Variants in TANGO6 observed in about 807,000 individuals in gnomAD.
TANGO6 encodes transport and Golgi organization protein 6 homolog.
In TANGO6, 90 loss-of-function variants were observed where a neutral mutation model predicts 114.2. That is an observed-to-expected ratio of 0.79 (90% CI 0.66 to 0.94). TANGO6 has a LOEUF of 0.94. Among genes scored for constraint, TANGO6 ranks in the 40% least tolerant of loss-of-function variants. The pLI is 0.00. For missense variants in TANGO6, 1,274 were observed against 1,315.3 expected, an observed-to-expected ratio of 0.97 and a Z score of 0.49; for synonymous variants, 477 against 509.8, an observed-to-expected ratio of 0.94 and a Z score of 0.87.
intron 16 of TANGO6, among the ~76,000 whole-genome samples, chr16:69,027,956 A>AT (rs1426744446): frequency 5.3e-5 from 8 of 150,766 alleles, no homozygotes; most frequent in South Asian, 2.1e-4. Flanking sequence ...AATATTTGTA[A>AT]TTTTTTTTCT....
chr16:68,871,242 C>G (rs563426211), intron 4 of TANGO6, among the ~76,000 whole-genome samples: 1 of 152,180 alleles, frequency 6.6e-6, no homozygotes, highest in Non-Finnish European at 1.5e-5. Context: ...TGGCTTGTGT[C>G]ATTTCTGATG....
chr16:68,960,252 T>G lies in TANGO6; in HGVS notation c.2702-13776T>G, dbSNP rs556286324. On this transcript the variant is annotated intron_variant, in intron 14 of 17. Coordinates refer to ENST00000261778, the MANE Select transcript of TANGO6 (RefSeq NM_024562.2). ...CTTTCAATGCAGCAGTAATTGCCGTTTTCTTTCCCTTCCTTCTTTATGCCT... is the reference window on the plus strand; with the variant it reads ...CTTTCAATGCAGCAGTAATTGCCGTGTTCTTTCCCTTCCTTCTTTATGCCT... Among the ~76,000 whole-genome samples, 4 of 151,926 alleles carry G rather than the reference T, an allele frequency of 2.6e-5. No homozygotes were observed. In the East Asian group the frequency reaches 7.7e-4, roughly 29 times the overall value.
At position 69,008,884 on chromosome 16, in the gene TANGO6, C is replaced by CT. The variant is rs555783458; in HGVS notation, c.2843-13943dup. Among the ~76,000 whole-genome samples the CT allele has an allele frequency of 8.6e-5, 13 of 151,844 alleles. No homozygotes were observed. In the East Asian group the frequency reaches 2.5e-3, roughly 30 times the overall value. On this transcript the variant is annotated intron_variant, in intron 15 of 17. Coordinates refer to ENST00000261778, the MANE Select transcript of TANGO6 (RefSeq NM_024562.2). The stretch of plus-strand genomic sequence containing the variant: ...TCTCAAAATCCTGACCTCAGGTGAC[C>CT]TGCCCATCTCAGTCTCCCAAATGCC...
intron 14 of TANGO6, among the ~76,000 whole-genome samples, chr16:68,960,144 A>C (rs1422766724): frequency 6.6e-6 from 1 of 152,224 alleles, no homozygotes; most frequent in Non-Finnish European, 1.5e-5. Context: ...AAAGAAAATT[A>C]AATGAATGAC....
At chr16:68,897,741 G>A (rs1962725005) in intron 7 of TANGO6, among the ~76,000 whole-genome samples, 1 of 152,040 alleles carries the variant, frequency 6.6e-6, no homozygotes, top group African/African-American at 2.4e-5. Context: ...ACCATGCACT[G>A]CTAACTTTGT....
At chr16:69,071,050 G>A (rs946170803) in intron 17 of TANGO6, among the ~76,000 whole-genome samples, 1 of 152,128 alleles carries the variant, frequency 6.6e-6, no homozygotes, top group African/African-American at 2.4e-5. Context: ...GTGATTACAG[G>A]TGTGAGCCAC....
At chr16:69,039,156 G>A (rs1015945929) in intron 16 of TANGO6, among the ~76,000 whole-genome samples, 1 of 152,018 alleles carries the variant, frequency 6.6e-6, no homozygotes, top group Non-Finnish European at 1.5e-5. Context: ...CTGCACTCCA[G>A]CCTGGGCGAC....
chr16:69,070,399 G>A (rs957409385), intron 17 of TANGO6, among the ~76,000 whole-genome samples: 7 of 151,936 alleles, frequency 4.6e-5, no homozygotes, highest in Non-Finnish European at 8.8e-5. Context: ...TTGGGAGGCC[G>A]AAGCGGGGGG....
chr16:68,991,155 CT>C (rs1240993724), intron 15 of TANGO6, among the ~76,000 whole-genome samples: 1 of 152,150 alleles, frequency 6.6e-6, no homozygotes, highest in Non-Finnish European at 1.5e-5. Flanking sequence ...AGAAGAAAGG[CT>C]AGATAGACAG....
intron 14 of TANGO6, among the ~76,000 whole-genome samples, chr16:68,934,631 T>C (rs1963282627): frequency 6.6e-6 from 1 of 152,130 alleles, no homozygotes; most frequent in Admixed American, 6.5e-5. Flanking sequence ...CTTATGGAAG[T>C]CAGATAAATC....
At chr16:68,928,892 C>T (rs554136089) in intron 13 of TANGO6, among the ~76,000 whole-genome samples, 2 of 152,184 alleles carry the variant, frequency 1.3e-5, no homozygotes, top group African/African-American at 2.4e-5. Context: ...CTCCCTTCAT[C>T]GTGGTGAAAT....
At chr16:69,025,439 A>G (rs1030195387) in intron 16 of TANGO6, among the ~76,000 whole-genome samples, 3 of 152,174 alleles carry the variant, frequency 2.0e-5, no homozygotes, top group Non-Finnish European at 4.4e-5. Context: ...CATAGGCACA[A>G]GTTGCATGCT....
At chr16:68,893,757 C>CAAAAA (rs796651419) in intron 7 of TANGO6, among the ~76,000 whole-genome samples, 5 of 84,190 alleles carry the variant, frequency 5.9e-5, no homozygotes, top group Non-Finnish European at 7.7e-5. Flanking sequence ...AGAAAACAAC[C>CAAAAA]AAAAAAAAAA....
chr16:69,018,145 T>C (rs11866977), intron 15 of TANGO6, among the ~76,000 whole-genome samples: 3,105 of 133,438 alleles, frequency 0.023, 151 homozygotes, highest in African/African-American at 0.082. Context: ...ATCTCTTTTT[T>C]TTTTTTTTTT....
At chr16:68,894,433 T>C (rs1323341575) in intron 7 of TANGO6, among the ~76,000 whole-genome samples, 1 of 152,084 alleles carries the variant, frequency 6.6e-6, no homozygotes, top group African/African-American at 2.4e-5. Flanking sequence ...GGAGATCTAC[T>C]GGAAAACTTG....
intron 12 of TANGO6, among the ~76,000 whole-genome samples, chr16:68,925,682 T>TGCTTTTAAGAGGTCATC (rs1203855140): frequency 2.0e-5 from 3 of 152,188 alleles, no homozygotes; most frequent in African/African-American, 7.2e-5. Flanking sequence ...AAAAGGTCAT[T>TGCTTTTAAGAGGTCATC]GCTTTTAAGA....
intron 1 of TANGO6, among the ~76,000 whole-genome samples, chr16:68,855,088 A>G (rs942824805): frequency 4.6e-5 from 7 of 150,552 alleles, no homozygotes; most frequent in Non-Finnish European, 8.9e-5. Context: ...TACTGCAACT[A>G]CCCAGCTACC....
intron 15 of TANGO6, among the ~76,000 whole-genome samples, chr16:68,983,776 G>C (rs1328519796): frequency 6.6e-6 from 1 of 152,154 alleles, no homozygotes; most frequent in East Asian, 1.9e-4. Context: ...GCTCATGCCT[G>C]TAATCCCAGC....
chr16:69,081,621 T>C (rs1960466735), intron 17 of TANGO6, among the ~76,000 whole-genome samples: 1 of 152,040 alleles, frequency 6.6e-6, no homozygotes, highest in Non-Finnish European at 1.5e-5. Context: ...ATTACAGGCC[T>C]GAGCCACCAC....
Sources: allele counts gnomAD v4.1 joint callset (sites outside exome capture counted in the v4.1 genomes callset), GRCh38; gene constraint gnomAD v4.1.1; transcripts MANE v1.5; gene names NCBI Gene and HGNC (gene_info 2026-07-23, HGNC 2026-07-21).